Variants in ZNF517 observed in about 807,000 individuals in gnomAD.
ZNF517 encodes the protein zinc finger protein 517.
ZNF517 carries 12 observed loss-of-function variants against 12.1 expected under a neutral mutation model. That is an observed-to-expected ratio of 0.99 (90% CI 0.63 to 1.61). The LOEUF is 1.61. ZNF517 is among the 40% of genes most tolerant of loss of function. The probability of loss-of-function intolerance (pLI) is 0.00; values close to 1 mark genes in which losing one functional copy is unlikely to be tolerated. For missense variants in ZNF517, 781 were observed against 693.2 expected (o/e 1.13, Z -1.42); for synonymous variants, 388 against 310.2 (o/e 1.25, Z -2.63).
At chr8:144,810,308 C>G, downstream of ZNF517, 1 of 566,946 alleles carries the variant, frequency 1.8e-6, no homozygotes, top group Non-Finnish European at 3.3e-6. Flanking sequence ...GTGTGTCAAA[C>G]TCCATGATGG....
Position 144,808,101 on chromosome 8 carries a change from G to C in ZNF517, c.1185G>C (p.Pro395=). The change falls in exon 5 of 5, where the codon CCG becomes CCC. Residue 395 remains proline, a synonymous_variant. Transcript: ENST00000359971. ...LHLRLHTGEK[P]FECAECGKAF... is the part of the protein sequence containing the mutation. ...TGCGCCTACACACGGGCGAGAAGCC[G>C]TTCGAGTGCGCGGAGTGCGGCAAGG... is the stretch of plus-strand genomic sequence containing the variant. The C allele has an allele frequency of 4.4e-6, 7 of 1,609,142 alleles. No individual in the cohort carries two copies. Among genetic ancestry groups the C allele is most frequent in the Non-Finnish European group, 5.9e-6 (7 of 1,178,454 alleles).
At chr8:144,810,217 C>A (rs1259779988), downstream of ZNF517, 1 of 689,848 alleles carries the variant, frequency 1.4e-6, no homozygotes, top group Non-Finnish European at 2.7e-6. Flanking sequence ...GGTGCTGCAT[C>A]CTCTTGGCCC....
chr8:144,808,405 C>G lies in ZNF517; in HGVS notation c.*10C>G. 1 of 1,450,018 alleles carries G rather than the reference C, an allele frequency of 6.9e-7. No homozygotes were observed. Among genetic ancestry groups the G allele is most frequent in the South Asian group, 1.5e-5 (1 of 66,920 alleles). 89.8% of individuals were successfully genotyped at this position (1,450,018 alleles called of 1,614,324 possible). A position where few individuals can be genotyped will look rare whatever the true frequency, so the allele number is the denominator to read the frequency against. On this transcript the variant is annotated 3_prime_UTR_variant, in exon 5 of 5. Transcript: ENST00000359971. ...CTGTTGGGCTTCCTGATGACGGGGA[C>G]GACAGGCCGAGGATTCACGCTGGAA...
chr8:144,811,463 C>G (rs11989103), downstream of ZNF517, among the ~76,000 whole-genome samples: 7,572 of 84,644 alleles, frequency 0.089, 7 homozygotes, highest in African/African-American at 0.24. Flanking sequence ...GGAGAGACAC[C>G]GACAGTAAAG....
Position 144,803,672 on chromosome 8 carries a change from A to G in ZNF517, c.65A>G (p.Tyr22Cys), listed in dbSNP as rs1827079677. 6.2e-7 allele frequency: 1 copy of G among 1,614,096 alleles called. No homozygotes were observed. The highest frequency in any genetic ancestry group is 2.2e-5 in the East Asian group (1 of 44,872). ...GTTGTGTTCGAGGATGTGGCTGTGT[A>G]CTTCACAAGGATAGAGTGGAGTTGC... ...EAVVFEDVAV[Y>C]FTRIEWSCLA... The change falls in exon 3 of 5, where the codon TAC (tyrosine) becomes TGC (cysteine). Residue 22 changes from tyrosine (Y) to cysteine (C), a missense_variant. Physicochemically the swap from Tyr to Cys is radical, Grantham distance 194 (BLOSUM62 -2). Coordinates refer to ENST00000359971, the MANE Select transcript of ZNF517 (RefSeq NM_213605.3).
chr8:144,803,449 C>G (rs1012326209), intron 2 of ZNF517, 192 bp from the exon 3 acceptor site: 1 of 672,788 alleles, frequency 1.5e-6, no homozygotes, highest in African/African-American at 1.8e-5. Context: ...TTCCCTCTTC[C>G]TCTCTGGGGC....
chr8:144,801,868 T>A (rs1361621030), intron 1 of ZNF517, among the ~76,000 whole-genome samples: 1 of 151,958 alleles, frequency 6.6e-6, no homozygotes, highest in Non-Finnish European at 1.5e-5. Context: ...TCATCAATAA[T>A]AAAAACTTTT....
At position 144,808,013 on chromosome 8, in the gene ZNF517, C is replaced by A; in HGVS notation, c.1097C>A (p.Pro366Gln). The A allele has an allele frequency of 1.9e-6, 3 of 1,577,992 alleles. No individual in the cohort carries two copies. The highest frequency in any genetic ancestry group is 2.3e-5 in the East Asian group (1 of 43,386). ...GAAQRPQAGD[P>Q]PHECPVCGRP... is the part of the protein sequence containing the mutation. ...GCGCAGAGGCCCCAGGCGGGGGACC[C>A]GCCCCACGAGTGCCCGGTGTGCGGG... is the stretch of plus-strand genomic sequence containing the variant. The change falls in exon 5 of 5, where the codon CCG becomes CAG. Residue 366 changes from proline to glutamine, a missense_variant. Coordinates refer to ENST00000359971, the MANE Select transcript of ZNF517 (RefSeq NM_213605.3).
chr8:144,804,025 C>T (rs2955224), intron 3 of ZNF517, 100 bp from the exon 4 acceptor site: 27,932 of 1,236,736 alleles, frequency 0.023, 924 homozygotes, highest in African/African-American at 0.12. Context: ...GTTCCTGACC[C>T]ACTCCAAGCA....
At chr8:144,801,261 G>A (rs1441114355) in intron 1 of ZNF517, among the ~76,000 whole-genome samples, 1 of 152,200 alleles carries the variant, frequency 6.6e-6, no homozygotes, top group African/African-American at 2.4e-5. Flanking sequence ...AAGAGCTCAA[G>A]TGTCTGTTGA....
At chr8:144,811,654 GAC>G (rs1827559648), downstream of ZNF517, among the ~76,000 whole-genome samples, 1 of 137,468 alleles carries the variant, frequency 7.3e-6, no homozygotes, top group Non-Finnish European at 1.5e-5. Flanking sequence ...CAAAGGCTGA[GAC>G]AGAGTGGGAG....
At chr8:144,803,581 T>A in intron 2 of ZNF517, 60 bp from the exon 3 acceptor site, 1 of 1,599,526 alleles carries the variant, frequency 6.3e-7, no homozygotes, top group Admixed American at 1.7e-5. Flanking sequence ...CAAATGTTTC[T>A]CATCTGCTGG....
downstream of ZNF517, among the ~76,000 whole-genome samples, chr8:144,812,178 C>T (rs1421675164): frequency 5.5e-3 from 759 of 137,538 alleles, 12 homozygotes; most frequent in African/African-American, 0.021. Flanking sequence ...TAAAGCTCAG[C>T]CAGGTGCAGA....
In ZNF517 at chr8:144,807,888, G is replaced by T. The variant is rs142358445; in HGVS notation, c.972G>T (p.Gln324His). The change falls in exon 5 of 5, where the codon CAG becomes CAT. Residue 324 changes from glutamine to histidine, a missense_variant. Coordinates refer to ENST00000359971, the MANE Select transcript of ZNF517 (RefSeq NM_213605.3). ...CCTACCGGTGCCTGCGGTGTGGGCA[G>T]CGCTTCATCCGAGGGTCCTCGCTCC... The part of the protein sequence containing the change: ...ERPYRCLRCG[Q>H]RFIRGSSLLK... The T allele has an allele frequency of 1.1e-3, 1,765 of 1,551,350 alleles. 22 individuals are homozygous for T. Among genetic ancestry groups the T allele is most frequent in the South Asian group, 0.011 (855 of 81,426 alleles).
chr8:144,801,265 C>T (rs529981628), intron 1 of ZNF517, among the ~76,000 whole-genome samples: 1 of 152,180 alleles, frequency 6.6e-6, no homozygotes, highest in Non-Finnish European at 1.5e-5. Flanking sequence ...GCTCAAGTGT[C>T]TGTTGAAGGG....
At position 144,807,802 on chromosome 8, in the gene ZNF517, A is replaced by G. The variant is rs751017384; in HGVS notation, c.886A>G (p.Lys296Glu). The G allele has an allele frequency of 1.2e-6, 2 of 1,611,248 alleles. No homozygotes were observed. The highest frequency in any genetic ancestry group is 1.1e-5 in the South Asian group (1 of 91,016). Residue 296 changes from lysine (K) to glutamate (E), a missense_variant, in exon 5 of 5, where the codon AAG (lysine) becomes GAG (glutamate). Transcript: ENST00000359971. The stretch of plus-strand genomic sequence containing the variant: ...GCCCTTCGCGTGCACAGAGTGCGGC[A>G]AGGCGTTCTGCCGCAGGTTCACCCT... Reference protein sequence around the residue: ...EKPFACTECGKAFCRRFTLNE... With the variant: ...EKPFACTECGEAFCRRFTLNE...
Position 144,807,712 on chromosome 8 carries a change from T to A in ZNF517, c.796T>A (p.Cys266Ser). 6.2e-7 allele frequency: 1 copy of A among 1,611,548 alleles called. No homozygotes were observed. The highest frequency in any genetic ancestry group is 2.2e-5 in the East Asian group (1 of 44,832). The stretch of plus-strand genomic sequence containing the variant: ...CGAGCGGCCCTACGCATGCGGCGAG[T>A]GCGGCAAGGCCTTCAGCCGCAGCTC... The part of the protein sequence containing the change: ...TRERPYACGE[C>S]GKAFSRSSRL... Residue 266 changes from cysteine to serine, a missense_variant, in exon 5 of 5, where the codon TGC becomes AGC. Coordinates refer to ENST00000359971, the MANE Select transcript of ZNF517 (RefSeq NM_213605.3).
At position 144,807,572 on chromosome 8, in the gene ZNF517, T is replaced by C; in HGVS notation, c.656T>C (p.Ile219Thr). The change falls in exon 5 of 5, where the codon ATC (isoleucine) becomes ACC (threonine). Residue 219 changes from isoleucine (I) to threonine (T), a missense_variant. Ile to Thr is a moderately conservative substitution (Grantham distance 89, BLOSUM62 -1). Coordinates refer to ENST00000359971, the MANE Select transcript of ZNF517 (RefSeq NM_213605.3). The stretch of plus-strand genomic sequence containing the variant: ...GGGAAGGCCTTCAAGCAAAGCTCCA[T>C]CCTGCTGCGGCACCAGCTGATCCAC... ...ECGKAFKQSS[I>T]LLRHQLIHTE... 1 of 1,599,690 alleles carries C rather than the reference T, an allele frequency of 6.3e-7. No homozygotes were observed. The highest frequency in any genetic ancestry group is 1.7e-5 in the Admixed American group (1 of 58,242).
chr8:144,800,232 C>G (rs1826890956), intron 1 of ZNF517, among the ~76,000 whole-genome samples: 1 of 152,188 alleles, frequency 6.6e-6, no homozygotes, highest in Admixed American at 6.5e-5. Flanking sequence ...TTGACATTTT[C>G]TGTCTCAGCA....
Sources: gnomAD v4.1 joint callset for allele counts (sites outside exome capture counted in the v4.1 genomes callset) on GRCh38, gnomAD v4.1.1 for gene constraint, MANE v1.5 for transcripts, NCBI Gene and HGNC (gene_info 2026-07-23, HGNC 2026-07-21) for gene names.